Variants in FARP1 observed in about 807,000 individuals in gnomAD.
FARP1 encodes FERM, ARHGEF and pleckstrin domain-containing protein 1.
Under a neutral mutation model 128.8 loss-of-function variants are expected in FARP1, and 52 were observed. The observed-to-expected ratio is 0.40, with a 90% CI of 0.32 to 0.51. The LOEUF is 0.51. Ranked by LOEUF, FARP1 falls within the 20% of genes least tolerant of loss-of-function variation. The pLI is 0.45. For missense variants in FARP1, 1,333 were observed against 1,367.9 expected (o/e 0.97, Z 0.40); for synonymous variants, 580 against 551.8 (o/e 1.05, Z -0.72).
At chr13:98,439,894 G>A in intron 21 of FARP1, 67 bp from the exon 22 acceptor site, 1 of 1,175,632 alleles carries the variant, frequency 8.5e-7, no homozygotes, top group Non-Finnish European at 1.2e-6. Flanking sequence ...TTGCCTGGCT[G>A]CCAGCTCAGG....
chr13:98,303,525 A>G lies in FARP1; in HGVS notation c.172-40237A>G, dbSNP rs905119005. 2.6e-5 allele frequency among the ~76,000 whole-genome samples: 4 copies of G among 152,232 alleles called. No homozygotes were observed. In the South Asian group the frequency reaches 6.2e-4, roughly 24 times the overall value. ...CCTCGTTGTGTATGTTCTGGGGAAC[A>G]TGTTCATAAATGATGCTGTTAAGAG... On this transcript the variant is annotated intron_variant, in intron 2 of 26. Coordinates refer to ENST00000319562, the MANE Select transcript of FARP1 (RefSeq NM_005766.4).
chr13:98,408,962 C>G (rs897279673), intron 13 of FARP1, among the ~76,000 whole-genome samples: 4 of 151,496 alleles, frequency 2.6e-5, no homozygotes, highest in African/African-American at 9.8e-5. Context: ...ATTTTCTAAT[C>G]ATTTCCCCAT....
chr13:98,175,044 T>TC (rs1877905215), intron 1 of FARP1, among the ~76,000 whole-genome samples: 1 of 152,208 alleles, frequency 6.6e-6, no homozygotes, highest in Admixed American at 6.5e-5. Flanking sequence ...TCTGCCGCAG[T>TC]TGCTTGCATA....
rs563933844 is a variant in FARP1, at chr13:98,238,512, G to A, written c.171+25099G>A. On this transcript the variant is annotated intron_variant, in intron 2 of 26. Coordinates refer to ENST00000319562, the MANE Select transcript of FARP1 (RefSeq NM_005766.4). ...TTAAAAAAAGAGGGTTATTGGACTC[G>A]CAGTTCCACATGGGTGGGGAGGCCT... Among the ~76,000 whole-genome samples, 7 of 152,300 alleles carry A rather than the reference G, an allele frequency of 4.6e-5. No homozygotes were observed. In the South Asian group the frequency reaches 8.3e-4, roughly 18 times the overall value.
At position 98,449,146 on chromosome 13, in the gene FARP1, G is replaced by T. The variant is rs1331828114; in HGVS notation, c.*829G>T. On this transcript the variant is annotated 3_prime_UTR_variant, in exon 27 of 27. Coordinates refer to ENST00000319562, the MANE Select transcript of FARP1 (RefSeq NM_005766.4). Reference sequence around the variant, plus strand: ...CAAGCATGAAAACCCGTGTGTCATTGATCAGCACCATTTGTGGTATGTTCC... The same window carrying T: ...CAAGCATGAAAACCCGTGTGTCATTTATCAGCACCATTTGTGGTATGTTCC... 6.6e-6 allele frequency: 1 copy of T among 152,224 alleles called. No individual in the cohort carries two copies. The highest frequency in any genetic ancestry group is 1.5e-5 in the Non-Finnish European group (1 of 68,058). The allele number at this position is 152,224 out of a possible 1,614,324, so 9.4% of individuals were successfully genotyped here.
chr13:98,308,209 A>G (rs906676952), intron 2 of FARP1, among the ~76,000 whole-genome samples: 1 of 151,960 alleles, frequency 6.6e-6, no homozygotes, highest in African/African-American at 2.4e-5. Flanking sequence ...GTTTTTCCCA[A>G]AGGATTGTGT....
chr13:98,224,395 C>T (rs1228341914), intron 2 of FARP1, among the ~76,000 whole-genome samples: 5 of 151,478 alleles, frequency 3.3e-5, no homozygotes, highest in East Asian at 2.0e-4. Flanking sequence ...GGCGTGGTGG[C>T]GAGTGCCTGT....
intron 2 of FARP1, among the ~76,000 whole-genome samples, chr13:98,279,348 T>TC (rs143863160): frequency 0.19 from 28,506 of 152,114 alleles, 4,545 homozygotes; most frequent in African/African-American, 0.44. Context: ...GTTGAAATAA[T>TC]AATGATTGTG....
At chr13:98,370,487 G>T (rs751866367) in intron 5 of FARP1, among the ~76,000 whole-genome samples, 1 of 151,482 alleles carries the variant, frequency 6.6e-6, no homozygotes, top group African/African-American at 2.4e-5. Flanking sequence ...AACAGGTACC[G>T]GAAGCAGGGT....
intron 2 of FARP1, among the ~76,000 whole-genome samples, chr13:98,294,599 G>T (rs1261453656): frequency 6.6e-6 from 1 of 152,078 alleles, no homozygotes; most frequent in African/African-American, 2.4e-5. Flanking sequence ...CCTGGCCTTT[G>T]GCATAAAGGT....
intron 2 of FARP1, among the ~76,000 whole-genome samples, chr13:98,268,441 C>T (rs1475126755): frequency 6.6e-6 from 1 of 152,158 alleles, no homozygotes; most frequent in Non-Finnish European, 1.5e-5. Flanking sequence ...CAAAGCACAT[C>T]TACGCTGACT....
chr13:98,318,683 CT>C (rs1254686383), intron 2 of FARP1, among the ~76,000 whole-genome samples: 1 of 152,192 alleles, frequency 6.6e-6, no homozygotes, highest in Non-Finnish European at 1.5e-5. Context: ...GGAGGGAGAG[CT>C]GGTTGCCCAG....
intron 18 of FARP1, 36 bp from the exon 19 acceptor site, chr13:98,435,540 T>A: frequency 6.3e-7 from 1 of 1,577,246 alleles, no homozygotes; most frequent in Non-Finnish European, 8.6e-7. Context: ...CTGCCTGCCT[T>A]TCCCGCTGCA....
chr13:98,295,689 C>T (rs531390651), intron 2 of FARP1, among the ~76,000 whole-genome samples: 11 of 152,212 alleles, frequency 7.2e-5, no homozygotes, highest in African/African-American at 2.6e-4. Flanking sequence ...AATTTTCTTC[C>T]CAGCCTAAAG....
rs150331228 is a variant in FARP1 at position 98,191,812 on chromosome 13, G to A, written c.-23-21408G>A. On this transcript the variant is annotated intron_variant, in intron 1 of 26. Coordinates refer to ENST00000319562, the MANE Select transcript of FARP1 (RefSeq NM_005766.4). ...ACAAAAGTTAGCTGGGTGTGGTGGC[G>A]CATGCCTGTAATCTCAGCTACTCGG... Among the ~76,000 whole-genome samples, 310 of 152,234 alleles carry A rather than the reference G, an allele frequency of 2.0e-3. 1 individual carries two copies. The highest frequency in any genetic ancestry group is 6.9e-3 in the African/African-American group (287 of 41,548).
At chr13:98,243,318 C>T (rs1458682521) in intron 2 of FARP1, among the ~76,000 whole-genome samples, 1 of 152,080 alleles carries the variant, frequency 6.6e-6, no homozygotes, top group Non-Finnish European at 1.5e-5. Flanking sequence ...GGAATGTGTG[C>T]CAGTCTCAAT....
intron 14 of FARP1, 28 bp downstream of exon 14, chr13:98,409,553 T>A: frequency 6.4e-7 from 1 of 1,550,670 alleles, no homozygotes; most frequent in South Asian, 1.2e-5. Context: ...CAAGCGCGTG[T>A]GTGGCTGTGT....
rs369514980 is a variant in FARP1 at position 98,286,461 on chromosome 13, TAGTG to T, written c.172-57297_172-57294del. On this transcript the variant is annotated intron_variant, in intron 2 of 26. Coordinates refer to ENST00000319562, the MANE Select transcript of FARP1 (RefSeq NM_005766.4). ...GGTCTCTCCCATACTGTTCTCATGGTAGTGAGTAAGTCTCACACGTTCTGATGGT... is the reference window on the plus strand; with the variant it reads ...GGTCTCTCCCATACTGTTCTCATGGTAGTAAGTCTCACACGTTCTGATGGT... Among the ~76,000 whole-genome samples, 5 of 152,336 alleles carry T rather than the reference TAGTG, an allele frequency of 3.3e-5. 1 individual carries two copies. The highest frequency in any genetic ancestry group is 1.2e-4 in the African/African-American group (5 of 41,578).
At chr13:98,322,759 C>T (rs1466895366) in intron 2 of FARP1, among the ~76,000 whole-genome samples, 1 of 152,196 alleles carries the variant, frequency 6.6e-6, no homozygotes, top group Non-Finnish European at 1.5e-5. Flanking sequence ...TTTTAAATTT[C>T]ACGGTTATAA....
Sources: gnomAD v4.1 joint callset for allele counts (sites outside exome capture counted in the v4.1 genomes callset) on GRCh38, gnomAD v4.1.1 for gene constraint, MANE v1.5 for transcripts, NCBI Gene and HGNC (gene_info 2026-07-23, HGNC 2026-07-21) for gene names.